The following MAPT variants were observed in gnomAD, a reference collection of about 807,000 sequenced individuals.
The protein encoded by MAPT is microtubule associated protein tau, also known as microtubule-associated protein tau.
MAPT carries 34 observed loss-of-function variants against 67.9 expected under a neutral mutation model. The observed-to-expected ratio is 0.50, with a 90% CI of 0.38 to 0.67. The LOEUF is 0.67. MAPT is among the 30% of genes least tolerant of loss of function. The pLI, the probability that MAPT is intolerant of heterozygous loss-of-function variation, is 0.00. For missense variants in MAPT, 881 were observed against 1,115.2 expected, an observed-to-expected ratio of 0.79 and a Z score of 2.99; for synonymous variants, 456 against 464.5, an observed-to-expected ratio of 0.98 and a Z score of 0.23.
chr17:45,955,020 A>G (rs950954260), intron 1 of MAPT, among the ~76,000 whole-genome samples: 3 of 152,208 alleles, frequency 2.0e-5, no homozygotes, highest in South Asian at 4.1e-4. Context: ...AAAAAAAATT[A>G]TAATGAAAGC....
At chr17:45,966,458 G>A (rs1380699633) in intron 2 of MAPT, among the ~76,000 whole-genome samples, 2 of 151,954 alleles carry the variant, frequency 1.3e-5, no homozygotes, top group South Asian at 2.1e-4. Flanking sequence ...GTGTGGTGGC[G>A]CATTCCTGTA....
In MAPT at chr17:45,982,995, A is replaced by G; in HGVS notation, c.416A>G (p.Lys139Arg). 2 of 1,442,464 alleles carry G rather than the reference A, an allele frequency of 1.4e-6. No homozygotes were observed. The highest frequency in any genetic ancestry group is 1.8e-6 in the Non-Finnish European group (2 of 1,099,704). The allele number at this position is 1,442,464 out of a possible 1,614,324, so 89.4% of individuals were successfully genotyped here. The part of the protein sequence containing the change: ...SGVSGPCLGE[K>R]EPEAPVPLTA... Reference sequence around the variant, plus strand: ...GTCTCTGGGCCGTGCCTCGGGGAGAAAGAGCCAGAAGCTCCCGTCCCGCTG... The same window carrying G: ...GTCTCTGGGCCGTGCCTCGGGGAGAGAGAGCCAGAAGCTCCCGTCCCGCTG... The change falls in exon 5 of 13, where the codon AAA (lysine) becomes AGA (arginine). Residue 139 changes from lysine to arginine, a missense_variant. Physicochemically the swap from Lys to Arg is conservative, Grantham distance 26. Transcript: ENST00000262410.
chr17:45,962,586 A>G, intron 2 of MAPT, 116 bp downstream of exon 2: 1 of 1,335,516 alleles, frequency 7.5e-7, no homozygotes, highest in South Asian at 1.3e-5. Context: ...TTAGACTGTC[A>G]GTAAAGTAAA....
chr17:45,903,279 C>A (rs1340746027), intron 1 of MAPT, among the ~76,000 whole-genome samples: 4 of 152,144 alleles, frequency 2.6e-5, no homozygotes, highest in African/African-American at 9.7e-5. Context: ...GGATCGGATC[C>A]AGTTCTGCCA....
At chr17:45,905,030 C>T (rs2064206095) in intron 1 of MAPT, among the ~76,000 whole-genome samples, 1 of 152,224 alleles carries the variant, frequency 6.6e-6, no homozygotes, top group South Asian at 2.1e-4. Flanking sequence ...TCCCACCATC[C>T]GTTTTCTGTC....
chr17:45,966,640 T>G (rs558273416), intron 2 of MAPT, among the ~76,000 whole-genome samples: 2 of 152,280 alleles, frequency 1.3e-5, no homozygotes, highest in Non-Finnish European at 2.9e-5. Flanking sequence ...TTACCACTCT[T>G]ATTTTCTGAA....
chr17:45,917,586 A>G (rs17649571), intron 1 of MAPT, among the ~76,000 whole-genome samples: 21,827 of 152,160 alleles, frequency 0.14, 2,136 homozygotes, highest in Middle Eastern at 0.22. Context: ...TTCCCTCAGT[A>G]TGCTAAATAA....
chr17:45,926,030 G>A (rs943633984), intron 1 of MAPT, among the ~76,000 whole-genome samples: 1 of 152,044 alleles, frequency 6.6e-6, no homozygotes, highest in Non-Finnish European at 1.5e-5. Flanking sequence ...GGCCAACATG[G>A]TGAAACCCCA....
intron 1 of MAPT, among the ~76,000 whole-genome samples, chr17:45,920,692 C>A (rs1459096617): frequency 6.6e-6 from 1 of 152,210 alleles, no homozygotes; most frequent in Non-Finnish European, 1.5e-5. Flanking sequence ...CCTCTATACA[C>A]CTCCCAGTGC....
intron 12 of MAPT, among the ~76,000 whole-genome samples, chr17:46,022,256 G>A (rs1025271423): frequency 2.0e-5 from 3 of 151,276 alleles, no homozygotes; most frequent in Non-Finnish European, 2.9e-5. Context: ...TTGGGAGGCC[G>A]AGGCAGGAGA....
intron 9 of MAPT, among the ~76,000 whole-genome samples, chr17:46,008,969 G>A (rs1568324924): frequency 6.6e-6 from 1 of 152,204 alleles, no homozygotes; most frequent in Non-Finnish European, 1.5e-5. Flanking sequence ...AAGCCGAGGT[G>A]GGCTGATTGC....
intron 1 of MAPT, among the ~76,000 whole-genome samples, chr17:45,956,571 TATATATATATATATATATATATATATA>T (rs1420177874): frequency 0.12 from 8,144 of 66,168 alleles, 436 homozygotes; most frequent in East Asian, 0.4. Flanking sequence ...TATATATATA[TATATATATATATATATATATATATATA>T]TATTTTTTAT....
At chr17:46,006,153 G>C (rs906654485) in intron 9 of MAPT, among the ~76,000 whole-genome samples, 1 of 152,112 alleles carries the variant, frequency 6.6e-6, no homozygotes, top group Non-Finnish European at 1.5e-5. Flanking sequence ...TTGATTGCAG[G>C]GCTATTCACA....
chr17:45,945,477 C>T (rs949589829), intron 1 of MAPT, among the ~76,000 whole-genome samples: 1 of 152,208 alleles, frequency 6.6e-6, no homozygotes, highest in Non-Finnish European at 1.5e-5. Flanking sequence ...CCCCTCTCAA[C>T]AGCGATGCTA....
At chr17:46,022,835 T>G (rs1055869934) in intron 12 of MAPT, among the ~76,000 whole-genome samples, 1 of 152,002 alleles carries the variant, frequency 6.6e-6, no homozygotes, top group African/African-American at 2.4e-5. Context: ...GAGGTTAAGG[T>G]GGGAAGATTG....
chr17:45,992,028 C>CA (rs1246264679), intron 8 of MAPT, among the ~76,000 whole-genome samples: 1 of 152,108 alleles, frequency 6.6e-6, no homozygotes, highest in East Asian at 1.9e-4. Flanking sequence ...TCAGGTGATC[C>CA]ACCTGCCTCG....
intron 1 of MAPT, among the ~76,000 whole-genome samples, chr17:45,904,271 T>TA (rs1176366952): frequency 1.3e-3 from 63 of 46,914 alleles, no homozygotes; most frequent in African/African-American, 4.0e-3. Flanking sequence ...ATTATATATA[T>TA]TTTTATATAT....
At position 45,995,047 on chromosome 17, in the gene MAPT, C is replaced by CA. The variant is rs935047564; in HGVS notation, c.1733-1342dup. On this transcript the variant is annotated intron_variant, in intron 8 of 12. Coordinates refer to ENST00000262410, the MANE Select transcript of MAPT (RefSeq NM_001377265.1). This position sits in a 1 kb window ranked among gnomAD's most constrained non-coding sequence, Gnocchi z 4.3. ...TGGGCATCAGAATAAGACTCCGTCTCAAAAAAAAAACCACAAAAAAACAAA... is the reference window on the plus strand; with the variant it reads ...TGGGCATCAGAATAAGACTCCGTCTCAAAAAAAAAAACCACAAAAAAACAAA... Among the ~76,000 whole-genome samples the CA allele has an allele frequency of 4.9e-4, 72 of 147,522 alleles. 1 individual carries two copies. In the Middle Eastern group the frequency reaches 0.01, roughly 21 times the overall value.
chr17:46,004,991 A>C (rs2075310756), intron 9 of MAPT, among the ~76,000 whole-genome samples: 1 of 152,148 alleles, frequency 6.6e-6, no homozygotes, highest in South Asian at 2.1e-4. Context: ...TCACCGTGTT[A>C]GCCAGGATGG....
Sources: gnomAD v4.1 joint callset for allele counts (sites outside exome capture counted in the v4.1 genomes callset) on GRCh38, gnomAD v4.1.1 for gene constraint, Gnocchi (gnomAD v3.1) non-coding constraint, MANE v1.5 for transcripts, NCBI Gene and HGNC (gene_info 2026-07-23, HGNC 2026-07-21) for gene names.